The following ITGA1 variants were observed in gnomAD, a reference collection of about 807,000 sequenced individuals.
The protein encoded by ITGA1 is integrin subunit alpha 1, also known as integrin alpha-1.
In ITGA1, 85 loss-of-function variants were observed where a neutral mutation model predicts 145.9. That is an observed-to-expected ratio of 0.58 (90% CI 0.49 to 0.70). The LOEUF (loss-of-function observed/expected upper bound fraction) is 0.70, where lower values mean the gene tolerates loss of function less well. ITGA1 is among the 30% of genes least tolerant of loss of function. The probability of loss-of-function intolerance (pLI) is 0.00; values close to 1 mark genes in which losing one functional copy is unlikely to be tolerated. For synonymous variants in ITGA1, 520 were observed against 495.3 expected, an observed-to-expected ratio of 1.05 and a Z score of -0.66; for missense variants, 1,351 against 1,418.7, an observed-to-expected ratio of 0.95 and a Z score of 0.77.
At chr5:52,929,502 G>A in intron 20 of ITGA1, 123 bp from the exon 21 acceptor site, 1 of 628,982 alleles carries the variant, frequency 1.6e-6, no homozygotes, top group Non-Finnish European at 2.9e-6. Context: ...GTTTCATTTT[G>A]TAAGACAATG....
At chr5:52,901,420 T>A (rs1260744181) in intron 11 of ITGA1, among the ~76,000 whole-genome samples, 1 of 152,206 alleles carries the variant, frequency 6.6e-6, no homozygotes, top group Non-Finnish European at 1.5e-5. Context: ...GGTAATTTGT[T>A]ACAGCAGCAG....
At chr5:52,822,075 G>A (rs1402699810) in intron 1 of ITGA1, among the ~76,000 whole-genome samples, 1 of 152,144 alleles carries the variant, frequency 6.6e-6, no homozygotes, top group African/African-American at 2.4e-5. Flanking sequence ...TTGGCAATGG[G>A]ACTATTTGAG....
At chr5:52,876,213 T>G (rs1305665317) in intron 6 of ITGA1, among the ~76,000 whole-genome samples, 1 of 152,234 alleles carries the variant, frequency 6.6e-6, no homozygotes, top group Non-Finnish European at 1.5e-5. Flanking sequence ...ATTATGCTTG[T>G]TTTATTAGCC....
At chr5:52,809,011 C>T (rs1748642492) in intron 1 of ITGA1, among the ~76,000 whole-genome samples, 1 of 152,094 alleles carries the variant, frequency 6.6e-6, no homozygotes, top group Non-Finnish European at 1.5e-5. Flanking sequence ...TTAAACCCTC[C>T]TTATTTATCA....
At chr5:52,801,110 A>C in intron 1 of ITGA1, 1 of 1,601,298 alleles carries the variant, frequency 6.2e-7, no homozygotes, top group Non-Finnish European at 8.5e-7. Flanking sequence ...AACCGGTCCA[A>C]ATTTCTTCAG....
chr5:52,917,466 A>T (rs1276216182), intron 15 of ITGA1, among the ~76,000 whole-genome samples: 2 of 150,726 alleles, frequency 1.3e-5, no homozygotes, highest in Non-Finnish European at 3.0e-5. Context: ...ATTTACCACT[A>T]TACTCAGAAA....
chr5:52,886,936 A>G lies in ITGA1; in HGVS notation c.774-879A>G, dbSNP rs530493554. ...TGGGACTACAGGCGCCCGCCACCGC[A>G]CCCGGCTAATTTTTTGTATTTTAGT... On this transcript the variant is annotated intron_variant, in intron 7 of 28. Transcript: ENST00000282588. 2.5e-4 allele frequency among the ~76,000 whole-genome samples: 38 copies of G among 152,128 alleles called. No individual in the cohort carries two copies. The South Asian group carries it at 7.9e-3, about 32-fold the overall frequency.
At chr5:52,794,454 TTGG>T (rs1748300136) in intron 1 of ITGA1, among the ~76,000 whole-genome samples, 1 of 151,502 alleles carries the variant, frequency 6.6e-6, no homozygotes, top group Admixed American at 6.6e-5. Flanking sequence ...TATAATATTT[TTGG>T]TGAAATGATC....
rs149742601 is a variant in ITGA1 at position 52,920,866 on chromosome 5, C to A, written c.2292+398C>A. On this transcript the variant is annotated intron_variant, in intron 17 of 28. Transcript: ENST00000282588. ...GGTAAGTGATTAACTGCTCTGGGGG[C>A]AGACTGCTGGGCTGTATGCTTTCTG... Among the ~76,000 whole-genome samples the A allele has an allele frequency of 2.8e-4, 43 of 152,272 alleles. 1 individual carries two copies. The South Asian group carries it at 2.9e-3, about 10-fold the overall frequency.
chr5:52,876,547 C>G (rs1749870411), intron 6 of ITGA1, among the ~76,000 whole-genome samples: 2 of 152,072 alleles, frequency 1.3e-5, no homozygotes, highest in African/African-American at 4.8e-5. Context: ...TCCCAGACTT[C>G]GTTGTATCTC....
intron 1 of ITGA1, among the ~76,000 whole-genome samples, chr5:52,819,917 T>C (rs1561217868): frequency 6.6e-6 from 1 of 152,204 alleles, no homozygotes; most frequent in Non-Finnish European, 1.5e-5. Flanking sequence ...CCTTTCCCCA[T>C]TGCTTGTTTT....
intron 1 of ITGA1, among the ~76,000 whole-genome samples, chr5:52,819,319 ACTTTTTAATGAT>A (rs1748829333): frequency 6.6e-6 from 1 of 152,094 alleles, no homozygotes. Flanking sequence ...TTGTTTCCTG[ACTTTTTAATGAT>A]CGCCATTCTA....
chr5:52,811,190 A>G (rs1007022798), intron 1 of ITGA1, among the ~76,000 whole-genome samples: 1 of 152,218 alleles, frequency 6.6e-6, no homozygotes, highest in African/African-American at 2.4e-5. Flanking sequence ...GAAATCATCC[A>G]TGTCATTCTC....
intron 4 of ITGA1, 48 bp downstream of exon 4, chr5:52,864,899 T>G (rs1749659610): frequency 1.9e-6 from 3 of 1,548,220 alleles, no homozygotes; most frequent in Non-Finnish European, 2.7e-6. Flanking sequence ...ATGCTATCAT[T>G]TTAAGTCTTT....
At chr5:52,891,267 T>TTC (rs1408844788) in intron 8 of ITGA1, among the ~76,000 whole-genome samples, 2 of 151,246 alleles carry the variant, frequency 1.3e-5, no homozygotes, top group South Asian at 2.1e-4. Flanking sequence ...TTTTTCTTTT[T>TTC]TTTTTTTCAT....
intron 11 of ITGA1, chr5:52,903,228 A>G (rs1438819936): frequency 1.3e-5 from 2 of 152,104 alleles, no homozygotes; most frequent in Non-Finnish European, 2.9e-5. Flanking sequence ...ACACACACAC[A>G]CACAAACACA....
chr5:52,803,017 C>G (rs1432057687), intron 1 of ITGA1: 1 of 152,130 alleles, frequency 6.6e-6, no homozygotes, highest in Non-Finnish European at 1.5e-5. Context: ...CTTTTGCAAA[C>G]CTCAATTTAG....
At chr5:52,878,287 T>C (rs1488551293) in intron 6 of ITGA1, among the ~76,000 whole-genome samples, 1 of 152,196 alleles carries the variant, frequency 6.6e-6, no homozygotes, top group Non-Finnish European at 1.5e-5. Context: ...GAATAGGCAG[T>C]TATAACTCAT....
chr5:52,937,504 C>T lies in ITGA1; in HGVS notation c.3068C>T (p.Ser1023Leu). The T allele has an allele frequency of 6.3e-7, 1 of 1,596,544 alleles. No homozygotes were observed. The highest frequency in any genetic ancestry group is 8.6e-7 in the Non-Finnish European group (1 of 1,164,266). The change falls in exon 24 of 29, where the codon TCA becomes TTA. Residue 1023 changes from serine (S) to leucine (L), a missense_variant. Coordinates refer to ENST00000282588, the MANE Select transcript of ITGA1 (RefSeq NM_181501.2). ...CCTGTGCTGTACCCAACTGGATTGT[C>T]ATCTTCTGAGGTAAGTCATGTGTGC... ...GYPVLYPTGL[S>L]SSENANCRPH...
Sources: gnomAD v4.1 joint callset for allele counts (sites outside exome capture counted in the v4.1 genomes callset) on GRCh38, gnomAD v4.1.1 for gene constraint, MANE v1.5 for transcripts, NCBI Gene and HGNC (gene_info 2026-07-23, HGNC 2026-07-21) for gene names.